HERC6: variants seen among roughly 807,000 people sequenced by gnomAD.
HERC6 encodes probable E3 ubiquitin-protein ligase HERC6.
A neutral mutation model predicts 114.5 loss-of-function variants in HERC6; 101 were observed. The ratio of observed to expected loss-of-function variants is 0.88; its 90% confidence interval spans 0.75 to 1.04. HERC6 has a LOEUF of 1.04. Among genes scored for constraint, HERC6 ranks in the 50% least tolerant of loss-of-function variants. HERC6 has a pLI of 0.00. For missense variants in HERC6, 1,133 were observed against 1,230.9 expected (o/e 0.92, Z 1.19); for synonymous variants, 408 against 436.2 (o/e 0.94, Z 0.81).
chr4:88,394,385 A>C (rs1735096551), intron 5 of HERC6, among the ~76,000 whole-genome samples: 1 of 148,878 alleles, frequency 6.7e-6, no homozygotes, highest in Admixed American at 6.7e-5. Flanking sequence ...AGGCAGGAGA[A>C]TCAATTGAAC....
intron 1 of HERC6, among the ~76,000 whole-genome samples, chr4:88,381,355 C>A (rs955550466): frequency 2.0e-5 from 3 of 152,084 alleles, no homozygotes; most frequent in Non-Finnish European, 4.4e-5. Context: ...AGAAGTGAAA[C>A]TCAAGTGCTT....
At position 88,428,736 on chromosome 4, in the gene HERC6, T is replaced by C; in HGVS notation, c.2092T>C (p.Cys698Arg). ...QLSQAEATDF[C>R]KVLVVEFINE... ...AAGTCAAGCTGAAGCTACTGACTTCTGCAAAGTATTAGTGGTACAGTAAAA... is the reference window on the plus strand; with the variant it reads ...AAGTCAAGCTGAAGCTACTGACTTCCGCAAAGTATTAGTGGTACAGTAAAA... The change falls in exon 16 of 23, where the codon TGC becomes CGC. Residue 698 changes from cysteine (C) to arginine (R), a missense_variant. Physicochemically the swap from Cys to Arg is radical, Grantham distance 180. Coordinates refer to ENST00000264346, the MANE Select transcript of HERC6 (RefSeq NM_017912.4). 6.4e-7 allele frequency: 1 copy of C among 1,573,080 alleles called. No homozygotes were observed. The highest frequency in any genetic ancestry group is 8.6e-7 in the Non-Finnish European group (1 of 1,162,346).
intron 8 of HERC6, among the ~76,000 whole-genome samples, chr4:88,403,711 G>A (rs1413567980): frequency 6.6e-6 from 1 of 151,994 alleles, no homozygotes; most frequent in Non-Finnish European, 1.5e-5. Flanking sequence ...CCAAGATCAT[G>A]CCACTGCACT....
Position 88,388,650 on chromosome 4 carries a change from A to G in HERC6, c.437-2002A>G, listed in dbSNP as rs186154788. Among the ~76,000 whole-genome samples, 23 of 152,178 alleles carry G rather than the reference A, an allele frequency of 1.5e-4. No homozygotes were observed. The East Asian group carries it at 4.5e-3, about 29-fold the overall frequency. On this transcript the variant is annotated intron_variant, in intron 3 of 22. Coordinates refer to ENST00000264346, the MANE Select transcript of HERC6 (RefSeq NM_017912.4). ...CATAGAGCAATTACCCCAATGCTCC[A>G]ATGGGGTAGAGAAGCTTATATACCA... is the stretch of plus-strand genomic sequence containing the variant.
intron 17 of HERC6, among the ~76,000 whole-genome samples, chr4:88,433,590 A>G (rs1738456159): frequency 6.6e-6 from 1 of 152,156 alleles, no homozygotes; most frequent in African/African-American, 2.4e-5. Flanking sequence ...CCCCCTCACC[A>G]TGTGATGCCC....
intron 15 of HERC6, among the ~76,000 whole-genome samples, chr4:88,427,112 T>C (rs1304144560): frequency 6.6e-6 from 1 of 152,222 alleles, no homozygotes; most frequent in Non-Finnish European, 1.5e-5. Flanking sequence ...CTCTTACTTT[T>C]AGTTGTTATG....
At chr4:88,436,566 C>G (rs1738768754) in intron 18 of HERC6, among the ~76,000 whole-genome samples, 1 of 152,200 alleles carries the variant, frequency 6.6e-6, no homozygotes, top group Non-Finnish European at 1.5e-5. Flanking sequence ...CAGTAGCAAC[C>G]TTCCCTCCAA....
intron 5 of HERC6, among the ~76,000 whole-genome samples, chr4:88,394,380 G>A (rs532144058): frequency 2.0e-5 from 3 of 147,794 alleles, no homozygotes; most frequent in Non-Finnish European, 4.5e-5. Flanking sequence ...GGCTGAGGCA[G>A]GAGAATCAAT....
Position 88,383,319 on chromosome 4 carries a change from G to A in HERC6, c.298G>A (p.Gly100Arg), listed in dbSNP as rs376461660. ...VCHKGRVFAW[G>R]AGSEGQLGIG... ...CCACAAAGGAAGGGTCTTCGCATGG[G>A]GAGCTGGTTCTGAAGGGCAGCTGGG... Residue 100 changes from glycine to arginine, a missense_variant, in exon 2 of 23, where the codon GGA becomes AGA. Physicochemically the swap from Gly to Arg is moderately radical, Grantham distance 125. Transcript: ENST00000264346. 6.4e-6 allele frequency: 10 copies of A among 1,570,424 alleles called. No individual in the cohort carries two copies. The Middle Eastern group carries it at 6.7e-4, about 105-fold the overall frequency.
intron 22 of HERC6, 105 bp from the exon 23 acceptor site, chr4:88,442,129 A>C (rs772076878): frequency 1.2e-5 from 10 of 813,372 alleles, no homozygotes; most frequent in Non-Finnish European, 1.8e-5. Context: ...TCTCTGCCTA[A>C]GGACATTCAA....
At chr4:88,411,826 C>T (rs1736122253) in intron 11 of HERC6, among the ~76,000 whole-genome samples, 1 of 152,174 alleles carries the variant, frequency 6.6e-6, no homozygotes, top group South Asian at 2.1e-4. Flanking sequence ...GGTTGGCTAG[C>T]AGATGAGGGA....
intron 3 of HERC6, among the ~76,000 whole-genome samples, chr4:88,387,589 A>G (rs1734652436): frequency 6.6e-6 from 1 of 152,234 alleles, no homozygotes; most frequent in African/African-American, 2.4e-5. Context: ...CACTGACTAC[A>G]AATCCAGGGC....
At position 88,408,548 on chromosome 4, in the gene HERC6, T is replaced by G. The variant is rs768712832; in HGVS notation, c.1299T>G (p.Ile433Met). The change falls in exon 11 of 23, where the codon ATT becomes ATG. Residue 433 changes from isoleucine (I) to methionine (M), a missense_variant. Transcript: ENST00000264346. ...GAGGAACTGGAGAAACGACTTCCAT[T>G]GATGTGGACTTAGAAATGGCAAGAG... is the stretch of plus-strand genomic sequence containing the variant. ...KKRGTGETTS[I>M]DVDLEMARDT... The G allele has an allele frequency of 3.7e-6, 6 of 1,600,152 alleles. No individual in the cohort carries two copies. In the Admixed American group the frequency reaches 1.0e-4, roughly 28 times the overall value.
intron 17 of HERC6, 136 bp from the exon 18 acceptor site, chr4:88,435,589 T>C (rs1738651373): frequency 2.1e-6 from 1 of 479,188 alleles, no homozygotes; most frequent in South Asian, 6.7e-5. Context: ...TTCACATTTT[T>C]ATTTTCCGGA....
rs775283281 is a variant in HERC6, at chr4:88,435,840, A to G, written c.2366A>G (p.Asp789Gly). Residue 789 changes from aspartate (D) to glycine (G), a missense_variant, in exon 18 of 23, where the codon GAC (aspartate) becomes GGC (glycine). By Grantham distance (94) the Asp-to-Gly change is moderately conservative (BLOSUM62 -1). Around this residue, in one of 3 missense-constraint regions of HERC6, gnomAD observed 388 missense variants for 445.9 expected, o/e 0.87. Transcript: ENST00000264346. ...CTGGCTCTGTATAAAAAACTTCTGG[A>G]CCAAAAGCCATCATTGGAAGATTTA... ...FPLALYKKLL[D>G]QKPSLEDLKE... The G allele has an allele frequency of 6.2e-7, 1 of 1,611,342 alleles. No individual in the cohort carries two copies. The highest frequency in any genetic ancestry group is 2.2e-5 in the East Asian group (1 of 44,776).
intron 13 of HERC6, among the ~76,000 whole-genome samples, chr4:88,420,515 A>G (rs1178597183): frequency 1.3e-5 from 2 of 152,128 alleles, no homozygotes; most frequent in East Asian, 3.9e-4. Context: ...TTAGTTCTGC[A>G]GTTTCTTACA....
At chr4:88,402,120 G>A (rs372469099) in intron 8 of HERC6, among the ~76,000 whole-genome samples, 12 of 152,128 alleles carry the variant, frequency 7.9e-5, no homozygotes, top group Non-Finnish European at 1.6e-4. Context: ...AGATCCAGGC[G>A]GACAAAAGAA....
intron 11 of HERC6, among the ~76,000 whole-genome samples, chr4:88,410,502 G>A (rs1166348543): frequency 6.6e-6 from 1 of 152,048 alleles, no homozygotes; most frequent in African/African-American, 2.4e-5. Flanking sequence ...TCCTTTCACA[G>A]CAAAAAGGGC....
intron 10 of HERC6, among the ~76,000 whole-genome samples, chr4:88,406,988 A>G (rs1054280561): frequency 6.6e-6 from 1 of 152,066 alleles, no homozygotes; most frequent in African/African-American, 2.4e-5. Flanking sequence ...CAAACTCCTG[A>G]CCTCAAGTGA....
Sources: gnomAD v4.1 joint callset for allele counts (sites outside exome capture counted in the v4.1 genomes callset) on GRCh38, gnomAD v4.1.1 for gene constraint, gnomAD v4.1.1 regional missense constraint, MANE v1.5 for transcripts, NCBI Gene and HGNC (gene_info 2026-07-23, HGNC 2026-07-21) for gene names.